Variants in RP1 observed in about 807,000 individuals in gnomAD.
RP1 encodes RP1 axonemal microtubule associated, also known as oxygen-regulated protein 1.
A neutral mutation model predicts 14.8 loss-of-function variants in RP1; 16 were observed. The observed-to-expected ratio is 1.08, with a 90% CI of 0.73 to 1.65. RP1 has a LOEUF of 1.65. RP1 is among the 40% of genes most tolerant of loss of function. The pLI is 0.00. For synonymous variants in RP1, 876 were observed against 883.6 expected (o/e 0.99, Z 0.15); for missense variants, 2,631 against 2,535.0 (o/e 1.04, Z -0.81).
intron 24 of RP1, among the ~76,000 whole-genome samples, chr8:54,801,563 T>A (rs1470232469): frequency 6.6e-6 from 1 of 151,930 alleles, no homozygotes; most frequent in Non-Finnish European, 1.5e-5. Context: ...AGGAGACAGA[T>A]TCAGGACTTC....
At position 54,627,644 on chromosome 8, in the gene RP1, G is replaced by T. The variant is rs753792331; in HGVS notation, c.3762G>T (p.Val1254=). The change falls in exon 4 of 4, where the codon GTG becomes GTT. Residue 1254 remains valine (V), a synonymous_variant. Transcript: ENST00000220676. ...ACAPEVCVLE[V]TCSPCEMCTV... is the part of the protein sequence containing the mutation. ...CCCCTGAAGTCTGTGTTTTGGAAGT[G>T]ACTTGCTCTCCATGTGAGATGTGCA... 18 of 1,614,068 alleles carry T rather than the reference G, an allele frequency of 1.1e-5. No homozygotes were observed. The highest frequency in any genetic ancestry group is 1.3e-5 in the Non-Finnish European group (15 of 1,180,000).
intron 5 of RP1, among the ~76,000 whole-genome samples, chr8:54,654,744 C>T (rs1445266173): frequency 6.6e-6 from 1 of 152,092 alleles, no homozygotes; most frequent in Non-Finnish European, 1.5e-5. Flanking sequence ...ACTTCCCAGG[C>T]TCAAGCGATC....
At chr8:54,594,550 T>G (rs1805098645) in intron 1 of RP1, among the ~76,000 whole-genome samples, 1 of 152,230 alleles carries the variant, frequency 6.6e-6, no homozygotes, top group African/African-American at 2.4e-5. Flanking sequence ...ATGAAAGTAA[T>G]TTAAATCATT....
chr8:54,844,979 C>T (rs1446225808), intron 25 of RP1, among the ~76,000 whole-genome samples: 2 of 152,154 alleles, frequency 1.3e-5, no homozygotes, highest in Non-Finnish European at 2.9e-5. Context: ...ACTAGGTCCC[C>T]ACCTCACCCC....
exon 29 of RP1, chr8:54,870,691 A>C (rs943005116): frequency 6.6e-6 from 1 of 152,208 alleles, no homozygotes; most frequent in Admixed American, 6.5e-5. Flanking sequence ...AATTTGGCAC[A>C]TAAGCTAAAA....
At chr8:54,816,142 C>A (rs140018495) in intron 24 of RP1, among the ~76,000 whole-genome samples, 16 of 152,264 alleles carry the variant, frequency 1.1e-4, no homozygotes, top group African/African-American at 3.6e-4. Context: ...CAATTATAAA[C>A]AATCCCAATG....
downstream of RP1, among the ~76,000 whole-genome samples, chr8:54,634,975 G>A (rs201514685): frequency 6.6e-6 from 1 of 151,870 alleles, no homozygotes; most frequent in Non-Finnish European, 1.5e-5. Flanking sequence ...CCAGCTACTC[G>A]GGAGGCTGAG....
intron 20 of RP1, chr8:54,755,593 A>G (rs1809485169): frequency 6.5e-7 from 1 of 1,535,074 alleles, no homozygotes; most frequent in Non-Finnish European, 8.7e-7. Flanking sequence ...ATTTCCTCTT[A>G]TTTTCTCTCC....
At chr8:54,690,226 T>C (rs1224109113) in intron 12 of RP1, among the ~76,000 whole-genome samples, 3 of 152,090 alleles carry the variant, frequency 2.0e-5, no homozygotes, top group South Asian at 2.1e-4. Flanking sequence ...TCATTGCTAA[T>C]AGTTAATCAA....
intron 23 of RP1, among the ~76,000 whole-genome samples, chr8:54,777,304 C>G (rs1382263603): frequency 6.6e-6 from 1 of 152,188 alleles, no homozygotes; most frequent in East Asian, 1.9e-4. Context: ...GCACTTCCCA[C>G]CCGGTTGGCT....
intron 12 of RP1, among the ~76,000 whole-genome samples, chr8:54,685,692 T>A (rs1360712546): frequency 6.6e-6 from 1 of 152,188 alleles, no homozygotes; most frequent in African/African-American, 2.4e-5. Flanking sequence ...GCTCATCAGC[T>A]ATCCTTAGTG....
chr8:54,616,806 C>A (rs1439712848), intron 1 of RP1, among the ~76,000 whole-genome samples: 1 of 152,146 alleles, frequency 6.6e-6, no homozygotes, highest in Non-Finnish European at 1.5e-5. Context: ...TGAAATGACG[C>A]ATGTAACTCT....
At chr8:54,646,444 G>A (rs1368452213) in intron 3 of RP1, among the ~76,000 whole-genome samples, 1 of 152,030 alleles carries the variant, frequency 6.6e-6, no homozygotes, top group Non-Finnish European at 1.5e-5. Context: ...ACCTCATATA[G>A]ATTACAAGCT....
chr8:54,691,502 T>C (rs1209096320), intron 12 of RP1, among the ~76,000 whole-genome samples: 2 of 152,054 alleles, frequency 1.3e-5, no homozygotes. Flanking sequence ...AACATCCAGT[T>C]GTTTACATGC....
At position 54,696,679 on chromosome 8, in the gene RP1, A is replaced by T. The variant is rs576211356; in HGVS notation, c.1718-2788A>T. On this transcript the variant is annotated intron_variant, in intron 12 of 22. Transcript: ENST00000636932. ...CCTTGGCCTTTGTTGTACGCATCAA[A>T]AGGATTGATGGTGTGATTTTACTGG... is the stretch of plus-strand genomic sequence containing the variant. The T allele has an allele frequency of 9.3e-5, 71 of 762,370 alleles. No individual in the cohort carries two copies. In the South Asian group the frequency reaches 1.1e-3, roughly 12 times the overall value. The allele number at this position is 762,370 out of a possible 1,614,324, so 47.2% of individuals were successfully genotyped here.
intron 1 of RP1, among the ~76,000 whole-genome samples, chr8:54,602,504 T>C (rs62514586): frequency 0.24 from 36,057 of 151,654 alleles, 4,520 homozygotes; most frequent in Non-Finnish European, 0.26. Context: ...CATACATGTG[T>C]ATGTGTCTTT....
At chr8:54,605,730 C>G (rs142028701) in intron 1 of RP1, among the ~76,000 whole-genome samples, 10 of 152,036 alleles carry the variant, frequency 6.6e-5, no homozygotes, top group African/African-American at 2.2e-4. Context: ...CTCCTGTATT[C>G]GGTGCTTATA....
rs983704934 is a variant in RP1, at chr8:54,630,279, C to G, written c.6397C>G (p.Leu2133Val). Residue 2133 changes from leucine to valine, a missense_variant, in exon 4 of 4, where the codon CTT (leucine) becomes GTT (valine). Physicochemically the swap from Leu to Val is conservative, Grantham distance 32. Transcript: ENST00000220676. ...LELCMFEGEN[L>V]FIWEEEDILN... ...ACTTTGTATGTTTGAGGGTGAAAAT[C>G]TTTTCATTTGGGAAGAGGAAGACAT... is the stretch of plus-strand genomic sequence containing the variant. The G allele has an allele frequency of 6.2e-7, 1 of 1,613,592 alleles. No homozygotes were observed. Among genetic ancestry groups the G allele is most frequent in the Non-Finnish European group, 8.5e-7 (1 of 1,179,764 alleles).
At chr8:54,845,473 G>A (rs1811896879) in intron 25 of RP1, among the ~76,000 whole-genome samples, 1 of 152,150 alleles carries the variant, frequency 6.6e-6, no homozygotes, top group African/African-American at 2.4e-5. Context: ...TAGGAGCAGG[G>A]AAACCAAGAC....
Sources: gnomAD v4.1 joint callset for allele counts (sites outside exome capture counted in the v4.1 genomes callset) on GRCh38, gnomAD v4.1.1 for gene constraint, MANE v1.5 for transcripts, NCBI Gene and HGNC (gene_info 2026-07-23, HGNC 2026-07-21) for gene names.